The following ANKS1B variants were observed in gnomAD, a reference collection of about 807,000 sequenced individuals.
ANKS1B encodes ankyrin repeat and sterile alpha motif domain-containing protein 1B.
ANKS1B carries 36 observed loss-of-function variants against 148.3 expected under a neutral mutation model. That is an observed-to-expected ratio of 0.24 (90% CI 0.19 to 0.32). The LOEUF is 0.32. ANKS1B is among the 10% of genes least tolerant of loss of function. The pLI is 1.00. For missense variants in ANKS1B, 1,157 were observed against 1,542.6 expected, an observed-to-expected ratio of 0.75 and a Z score of 4.19; for synonymous variants, 542 against 560.8, an observed-to-expected ratio of 0.97 and a Z score of 0.47.
At chr12:98,946,031 TGTA>T (rs2099844987) in intron 17 of ANKS1B, among the ~76,000 whole-genome samples, 1 of 152,190 alleles carries the variant, frequency 6.6e-6, no homozygotes, top group Non-Finnish European at 1.5e-5. Flanking sequence ...AGGTCGATCT[TGTA>T]GTCAAGCCAA....
Position 99,775,565 on chromosome 12 carries a change from G to A in ANKS1B, c.944C>T (p.Pro315Leu). The change falls in exon 7 of 27, where the codon CCT becomes CTT. Residue 315 changes from proline to leucine, a missense_variant. Physicochemically the swap from Pro to Leu is moderately conservative, Grantham distance 98. Around this residue, in one of 6 missense-constraint regions of ANKS1B, gnomAD observed 661 missense variants for 642.1 expected, o/e 1.03. Coordinates refer to ENST00000683438, the MANE Select transcript of ANKS1B (RefSeq NM_001352186.2). ...GTACTCACTTTTGGTCTTTTGGGAA[G>A]GAGACTCAACAGGAGATGAAATGTG... Reference protein sequence around the residue: ...ETHISSPVESPSQKTKSETVT... With the variant: ...ETHISSPVESLSQKTKSETVT... 6.2e-7 allele frequency: 1 copy of A among 1,612,910 alleles called. No homozygotes were observed. Among genetic ancestry groups the A allele is most frequent in the Non-Finnish European group, 8.5e-7 (1 of 1,179,096 alleles).
intron 10 of ANKS1B, among the ~76,000 whole-genome samples, chr12:99,459,945 C>A (rs113023667): frequency 3.3e-5 from 5 of 152,154 alleles, no homozygotes; most frequent in African/African-American, 1.2e-4. Context: ...GCCCACATAA[C>A]CAAAACAAGA....
chr12:99,750,626 T>G (rs918704152), intron 8 of ANKS1B, among the ~76,000 whole-genome samples: 9 of 152,084 alleles, frequency 5.9e-5, no homozygotes, highest in Non-Finnish European at 1.3e-4. Context: ...TATGACTGAG[T>G]ACTAGTCAGT....
chr12:99,512,785 G>A (rs1427807949), intron 9 of ANKS1B, among the ~76,000 whole-genome samples: 1 of 152,026 alleles, frequency 6.6e-6, no homozygotes, highest in Non-Finnish European at 1.5e-5. Flanking sequence ...ATTTTCCTCA[G>A]CAAACTAATG....
chr12:98,791,422 T>C (rs1163863021), intron 22 of ANKS1B, among the ~76,000 whole-genome samples: 1 of 152,196 alleles, frequency 6.6e-6, no homozygotes, highest in Non-Finnish European at 1.5e-5. Flanking sequence ...TGTTTCTTTG[T>C]GGGCATTGCG....
chr12:98,840,908 T>A (rs1248380093), intron 17 of ANKS1B, among the ~76,000 whole-genome samples: 1 of 152,088 alleles, frequency 6.6e-6, no homozygotes, highest in East Asian at 1.9e-4. Flanking sequence ...GAAGGAAAAA[T>A]TTGTTACAAA....
chr12:98,940,958 T>C (rs1212309942), intron 17 of ANKS1B, among the ~76,000 whole-genome samples: 1 of 152,220 alleles, frequency 6.6e-6, no homozygotes, highest in Non-Finnish European at 1.5e-5. Flanking sequence ...CCTTTTTCTT[T>C]TTTTGACATA....
At chr12:98,841,704 T>G (rs1595209656) in intron 17 of ANKS1B, among the ~76,000 whole-genome samples, 1 of 152,018 alleles carries the variant, frequency 6.6e-6, no homozygotes, top group African/African-American at 2.4e-5. Flanking sequence ...AAAGAAAGTA[T>G]TATAAGGAAA....
chr12:99,313,115 C>A (rs2083421685), intron 12 of ANKS1B, among the ~76,000 whole-genome samples: 1 of 152,130 alleles, frequency 6.6e-6, no homozygotes, highest in Non-Finnish European at 1.5e-5. Context: ...CACAGAAATA[C>A]AAGCTACTAT....
intron 14 of ANKS1B, among the ~76,000 whole-genome samples, chr12:99,209,271 C>T (rs1005831321): frequency 2.6e-5 from 4 of 152,148 alleles, no homozygotes; most frequent in African/African-American, 9.7e-5. Flanking sequence ...AATAATCAGG[C>T]CAAGTTGGAT....
At chr12:99,400,496 C>T (rs1242807260) in intron 11 of ANKS1B, among the ~76,000 whole-genome samples, 1 of 143,414 alleles carries the variant, frequency 7.0e-6, no homozygotes, top group African/African-American at 2.7e-5. Flanking sequence ...TAATCTATAC[C>T]CTTTGTCAGT....
At chr12:99,982,194 C>T (rs1002496916) in intron 1 of ANKS1B, among the ~76,000 whole-genome samples, 19 of 151,548 alleles carry the variant, frequency 1.3e-4, no homozygotes, top group Non-Finnish European at 2.4e-4. Context: ...TGTTGTAGAG[C>T]TACTACTACT....
At chr12:98,883,344 C>T (rs2099720464) in intron 17 of ANKS1B, among the ~76,000 whole-genome samples, 1 of 152,168 alleles carries the variant, frequency 6.6e-6, no homozygotes, top group Non-Finnish European at 1.5e-5. Context: ...GGCCAGTCTT[C>T]AGGCCTCAAT....
At chr12:99,807,460 A>G (rs2067775562) in intron 3 of ANKS1B, among the ~76,000 whole-genome samples, 1 of 152,148 alleles carries the variant, frequency 6.6e-6, no homozygotes, top group South Asian at 2.1e-4. Context: ...AGACTATTTG[A>G]GCAATATAGG....
At chr12:98,943,863 T>G (rs2099840869) in intron 17 of ANKS1B, among the ~76,000 whole-genome samples, 1 of 152,214 alleles carries the variant, frequency 6.6e-6, no homozygotes, top group Non-Finnish European at 1.5e-5. Flanking sequence ...AATCTCATGT[T>G]GAAATGTAAT....
rs113825073 is a variant in ANKS1B, at chr12:99,769,842, C to T, written c.1128+3080G>A. On this transcript the variant is annotated intron_variant, in intron 8 of 26. Coordinates refer to ENST00000683438, the MANE Select transcript of ANKS1B (RefSeq NM_001352186.2). The stretch of plus-strand genomic sequence containing the variant: ...AAACAAACTCTCATCATAAATCATT[C>T]TCAAATTATGCACTAATTCTCATCT... 6.6e-5 allele frequency among the ~76,000 whole-genome samples: 10 copies of T among 152,318 alleles called. 2 individuals are homozygous for T. Among genetic ancestry groups the T allele is most frequent in the African/African-American group, 2.2e-4 (9 of 41,578 alleles).
intron 1 of ANKS1B, among the ~76,000 whole-genome samples, chr12:99,851,421 C>T (rs1217608821): frequency 1.3e-5 from 2 of 152,050 alleles, no homozygotes; most frequent in Non-Finnish European, 2.9e-5. Flanking sequence ...AGTATTAATA[C>T]TTATTAAAGC....
At chr12:99,464,284 C>G (rs1206349492) in intron 10 of ANKS1B, among the ~76,000 whole-genome samples, 1 of 152,094 alleles carries the variant, frequency 6.6e-6, no homozygotes, top group Non-Finnish European at 1.5e-5. Flanking sequence ...CACCAAAAAC[C>G]CATCTGTACA....
At chr12:99,042,063 T>C (rs1037386191) in intron 17 of ANKS1B, among the ~76,000 whole-genome samples, 5 of 151,786 alleles carry the variant, frequency 3.3e-5, no homozygotes, top group African/African-American at 1.2e-4. Context: ...AACACCAAAA[T>C]AAAACAACCC....
Sources: allele counts gnomAD v4.1 joint callset (sites outside exome capture counted in the v4.1 genomes callset), GRCh38; gene constraint gnomAD v4.1.1; regional missense constraint gnomAD v4.1.1; transcripts MANE v1.5; gene names NCBI Gene and HGNC (gene_info 2026-07-23, HGNC 2026-07-21).